Variants in COG5 observed in about 807,000 individuals in gnomAD.
COG5 encodes the protein conserved oligomeric Golgi complex subunit 5.
COG5 carries 86 observed loss-of-function variants against 110.4 expected under a neutral mutation model. That is an observed-to-expected ratio of 0.78 (90% CI 0.65 to 0.93). COG5 has a LOEUF of 0.93. Ranked by LOEUF, COG5 falls within the 40% of genes least tolerant of loss-of-function variation. COG5 has a pLI of 0.00. For missense variants in COG5, 1,077 were observed against 987.0 expected (o/e 1.09, Z -1.22); for synonymous variants, 360 against 334.6 (o/e 1.08, Z -0.83).
At chr7:107,517,585 G>A (rs1800016673) in intron 6 of COG5, among the ~76,000 whole-genome samples, 1 of 152,044 alleles carries the variant, frequency 6.6e-6, no homozygotes, top group South Asian at 2.1e-4. Flanking sequence ...AATGTTAAGA[G>A]CAGCCAGAGA....
chr7:107,388,691 G>T (rs767164895), intron 7 of COG5, among the ~76,000 whole-genome samples: 12 of 152,186 alleles, frequency 7.9e-5, no homozygotes, highest in Non-Finnish European at 1.8e-4. Flanking sequence ...CAGTTTCATG[G>T]AAAGATGTGA....
At chr7:107,544,165 C>G (rs1802251210) in intron 5 of COG5, among the ~76,000 whole-genome samples, 1 of 152,100 alleles carries the variant, frequency 6.6e-6, no homozygotes, top group Non-Finnish European at 1.5e-5. Flanking sequence ...AAGCTCCAGG[C>G]TAACCCTGGT....
intron 6 of COG5, among the ~76,000 whole-genome samples, chr7:107,509,678 C>G (rs1015258946): frequency 2.0e-5 from 3 of 152,150 alleles, no homozygotes; most frequent in Non-Finnish European, 2.9e-5. Flanking sequence ...AAGGGAAGCC[C>G]ATCAGACTAA....
intron 6 of COG5, among the ~76,000 whole-genome samples, chr7:107,514,654 G>A (rs1333695613): frequency 6.6e-6 from 1 of 152,152 alleles, no homozygotes; most frequent in Non-Finnish European, 1.5e-5. Context: ...CCAGATGGGT[G>A]TCCTTAGGAC....
chr7:107,311,702 TC>T (rs1808285140), intron 11 of COG5, among the ~76,000 whole-genome samples: 1 of 152,120 alleles, frequency 6.6e-6, no homozygotes, highest in Non-Finnish European at 1.5e-5. Flanking sequence ...CACATTTTTT[TC>T]CCTATAGAGT....
intron 6 of COG5, among the ~76,000 whole-genome samples, chr7:107,512,418 C>T (rs1049524090): frequency 8.5e-5 from 13 of 152,168 alleles, no homozygotes; most frequent in African/African-American, 2.9e-4. Flanking sequence ...AATGGAAGAA[C>T]ATTCCATGCT....
At chr7:107,313,289 C>T (rs1808440527) in intron 11 of COG5, among the ~76,000 whole-genome samples, 1 of 152,104 alleles carries the variant, frequency 6.6e-6, no homozygotes, top group African/African-American at 2.4e-5. Context: ...TGCACCTGCC[C>T]CACACCAACC....
chr7:107,523,094 T>C (rs549441998), intron 6 of COG5, among the ~76,000 whole-genome samples: 4 of 152,204 alleles, frequency 2.6e-5, no homozygotes, highest in East Asian at 1.9e-4. Context: ...ATAGATCAAG[T>C]TGGGAAGAAC....
chr7:107,388,740 C>G (rs933297406), intron 7 of COG5, among the ~76,000 whole-genome samples: 1 of 152,102 alleles, frequency 6.6e-6, no homozygotes, highest in Non-Finnish European at 1.5e-5. Flanking sequence ...ATTACTAATG[C>G]GGGGAAGAGG....
intron 13 of COG5, among the ~76,000 whole-genome samples, chr7:107,282,583 G>T (rs1318122500): frequency 6.6e-6 from 1 of 152,114 alleles, no homozygotes; most frequent in Non-Finnish European, 1.5e-5. Flanking sequence ...GTGCAGTGGC[G>T]TGATGTCGGC....
chr7:107,434,395 A>C (rs910688676), intron 6 of COG5, among the ~76,000 whole-genome samples: 2 of 152,214 alleles, frequency 1.3e-5, no homozygotes, highest in Non-Finnish European at 2.9e-5. Flanking sequence ...CTATTATTCA[A>C]AATAGCCAAG....
At chr7:107,241,413 T>C (rs1424471258) in intron 17 of COG5, among the ~76,000 whole-genome samples, 1 of 145,262 alleles carries the variant, frequency 6.9e-6, no homozygotes, top group South Asian at 2.1e-4. Context: ...TATATATCTA[T>C]ATCCATCTAT....
intron 6 of COG5, among the ~76,000 whole-genome samples, chr7:107,522,157 A>C (rs938035880): frequency 1.3e-5 from 2 of 152,182 alleles, no homozygotes; most frequent in African/African-American, 4.8e-5. Context: ...ATTAGGATAA[A>C]TAACTAATGC....
At chr7:107,498,991 T>C (rs530487010) in intron 6 of COG5, among the ~76,000 whole-genome samples, 2 of 152,174 alleles carry the variant, frequency 1.3e-5, no homozygotes, top group Non-Finnish European at 2.9e-5. Flanking sequence ...TCCTGAAATA[T>C]GCAACAATGT....
intron 14 of COG5, among the ~76,000 whole-genome samples, chr7:107,276,282 G>C (rs1458837881): frequency 1.3e-5 from 2 of 152,128 alleles, no homozygotes; most frequent in African/African-American, 2.4e-5. Flanking sequence ...AAGTTTACAA[G>C]CCTATAAATT....
At chr7:107,392,951 G>T (rs575347323) in intron 7 of COG5, among the ~76,000 whole-genome samples, 23 of 152,146 alleles carry the variant, frequency 1.5e-4, no homozygotes, top group African/African-American at 5.3e-4. Context: ...AACTGTCCAT[G>T]GAAAAAATTC....
At chr7:107,462,696 A>C (rs1796072534) in intron 6 of COG5, among the ~76,000 whole-genome samples, 1 of 151,888 alleles carries the variant, frequency 6.6e-6, no homozygotes, top group Admixed American at 6.6e-5. Flanking sequence ...ACACTGATTG[A>C]AGTCCCTATT....
intron 7 of COG5, among the ~76,000 whole-genome samples, chr7:107,377,718 G>A (rs1303751783): frequency 1.3e-5 from 2 of 152,146 alleles, no homozygotes; most frequent in Admixed American, 6.5e-5. Flanking sequence ...TCAACCTAAC[G>A]GGTAAATAAA....
chr7:107,220,432 C>T (rs1285031168), intron 19 of COG5, among the ~76,000 whole-genome samples: 2 of 152,154 alleles, frequency 1.3e-5, no homozygotes, highest in Non-Finnish European at 2.9e-5. Context: ...CCTTAAGTTC[C>T]TCTGGGGTAA....
Sources: allele counts gnomAD v4.1 joint callset (sites outside exome capture counted in the v4.1 genomes callset), GRCh38; gene constraint gnomAD v4.1.1; transcripts MANE v1.5; gene names NCBI Gene and HGNC (gene_info 2026-07-23, HGNC 2026-07-21).